Variants in SEMA3A observed in about 807,000 individuals in gnomAD.
SEMA3A encodes the protein semaphorin 3A.
A neutral mutation model predicts 97.9 loss-of-function variants in SEMA3A; 29 were observed. The ratio of observed to expected loss-of-function variants is 0.30; its 90% CI spans 0.22 to 0.40. SEMA3A has a LOEUF of 0.40. Ranked by LOEUF, SEMA3A falls within the 10% of genes least tolerant of loss-of-function variation. SEMA3A has a pLI of 1.00. For missense variants in SEMA3A, 763 were observed against 951.3 expected, an observed-to-expected ratio of 0.80 and a Z score of 2.60; for synonymous variants, 321 against 323.7, an observed-to-expected ratio of 0.99 and a Z score of 0.09.
intron 6 of SEMA3A, among the ~76,000 whole-genome samples, chr7:84,029,746 T>A (rs574033557): frequency 1.3e-5 from 2 of 152,026 alleles, no homozygotes; most frequent in South Asian, 2.1e-4. Flanking sequence ...CAGAAAATAA[T>A]CTCTAGGAAC....
chr7:84,470,824 T>C (rs1189247737), intron 1 of SEMA3A, among the ~76,000 whole-genome samples: 1 of 152,066 alleles, frequency 6.6e-6, no homozygotes, highest in Non-Finnish European at 1.5e-5. Flanking sequence ...TTAGGCTGCC[T>C]AAGATTTTGA....
At chr7:84,080,940 G>A (rs1337059963) in intron 4 of SEMA3A, among the ~76,000 whole-genome samples, 3 of 151,516 alleles carry the variant, frequency 2.0e-5, no homozygotes, top group Non-Finnish European at 2.9e-5. Context: ...TTTACATGTG[G>A]GGACAATATT....
intron 1 of SEMA3A, among the ~76,000 whole-genome samples, chr7:84,442,990 G>A (rs1805309410): frequency 6.6e-6 from 1 of 152,024 alleles, no homozygotes; most frequent in African/African-American, 2.4e-5. Flanking sequence ...TGAAAAAATT[G>A]AAGGGAAAAA....
chr7:84,276,331 C>T (rs1345490248), intron 3 of SEMA3A, among the ~76,000 whole-genome samples: 1 of 151,976 alleles, frequency 6.6e-6, no homozygotes, highest in Non-Finnish European at 1.5e-5. Context: ...GTCTCTTTTT[C>T]TTGAAGTCAC....
intron 1 of SEMA3A, among the ~76,000 whole-genome samples, chr7:84,191,052 T>A (rs1413594131): frequency 6.6e-6 from 1 of 150,920 alleles, no homozygotes; most frequent in East Asian, 1.9e-4. Context: ...AGAAAATCAT[T>A]CATATTAATT....
intron 1 of SEMA3A, among the ~76,000 whole-genome samples, chr7:84,149,719 C>T (rs376108416): frequency 6.6e-6 from 1 of 152,314 alleles, no homozygotes; most frequent in African/African-American, 2.4e-5. Flanking sequence ...CAAAACACTA[C>T]TAACAATGTT....
rs142917460 is a variant in SEMA3A, at chr7:84,005,001, G to T, written c.1360+338C>A. ...GCCTACTCAACAGGAAGACAAGGGTGATCCAGTTCCACTTAATGAACATTA... is the reference window on the plus strand; with the variant it reads ...GCCTACTCAACAGGAAGACAAGGGTTATCCAGTTCCACTTAATGAACATTA... On this transcript the variant is annotated intron_variant, in intron 11 of 16. Coordinates refer to ENST00000265362, the MANE Select transcript of SEMA3A (RefSeq NM_006080.3). Among the ~76,000 whole-genome samples the T allele has an allele frequency of 1.9e-4, 29 of 152,248 alleles. No individual in the cohort carries two copies. In the East Asian group the frequency reaches 5.4e-3, roughly 28 times the overall value.
At chr7:84,336,053 A>G (rs913827204) in intron 2 of SEMA3A, among the ~76,000 whole-genome samples, 3 of 152,298 alleles carry the variant, frequency 2.0e-5, no homozygotes, top group African/African-American at 7.2e-5. Context: ...TCTAGAGTGT[A>G]GCTAAAATCC....
intron 9 of SEMA3A, among the ~76,000 whole-genome samples, chr7:84,008,860 G>T (rs987100375): frequency 7.9e-5 from 12 of 152,140 alleles, no homozygotes; most frequent in African/African-American, 2.7e-4. Flanking sequence ...TTTCATAGCA[G>T]AACAAATAGC....
At chr7:84,129,245 CAT>C in intron 2 of SEMA3A, 60 bp from the exon 3 acceptor site, 1 of 1,334,678 alleles carries the variant, frequency 7.5e-7, no homozygotes, top group South Asian at 1.2e-5. Context: ...GATCCAACAC[CAT>C]ATAGTCTTTT....
intron 14 of SEMA3A, 71 bp from the exon 15 acceptor site, chr7:83,977,267 G>T: frequency 1.3e-6 from 1 of 790,458 alleles, no homozygotes; most frequent in Non-Finnish European, 2.0e-6. Context: ...TCATAAGAAT[G>T]AAGAGAAATA....
chr7:84,440,519 T>A (rs1158514152), intron 1 of SEMA3A, among the ~76,000 whole-genome samples: 2 of 152,200 alleles, frequency 1.3e-5, no homozygotes, highest in Admixed American at 6.5e-5. Flanking sequence ...AAAGGGCCAA[T>A]GAATCCTCCG....
At position 84,185,280 on chromosome 7, in the gene SEMA3A, T is replaced by C. The variant is rs537603008; in HGVS notation, c.112+9195A>G. Reference sequence around the variant, plus strand: ...AGTGACTTTTTTCTGTGTTGCCGGGTACCATGAACCTACAACGTTGTCTAA... The same window carrying C: ...AGTGACTTTTTTCTGTGTTGCCGGGCACCATGAACCTACAACGTTGTCTAA... On this transcript the variant is annotated intron_variant, in intron 1 of 16. Coordinates refer to ENST00000265362, the MANE Select transcript of SEMA3A (RefSeq NM_006080.3). Among the ~76,000 whole-genome samples, 3 of 152,220 alleles carry C rather than the reference T, an allele frequency of 2.0e-5. No individual in the cohort carries two copies. The South Asian group carries it at 6.2e-4, about 32-fold the overall frequency.
chr7:84,303,157 A>C (rs1173885730), intron 3 of SEMA3A, among the ~76,000 whole-genome samples: 1 of 152,142 alleles, frequency 6.6e-6, no homozygotes, highest in African/African-American at 2.4e-5. Flanking sequence ...AGAGGAGGTT[A>C]GGCATGTATG....
At chr7:84,408,988 T>C (rs1314255883) in intron 1 of SEMA3A, among the ~76,000 whole-genome samples, 1 of 151,672 alleles carries the variant, frequency 6.6e-6, no homozygotes, top group East Asian at 1.9e-4. Flanking sequence ...GGCACATGTA[T>C]ACATATGTAA....
At chr7:83,980,097 C>G (rs138184316) in intron 14 of SEMA3A, among the ~76,000 whole-genome samples, 6 of 151,888 alleles carry the variant, frequency 4.0e-5, no homozygotes, top group African/African-American at 7.3e-5. Context: ...CTCATATTAA[C>G]GAGATACTGT....
At chr7:84,201,152 C>T (rs1195447983) in intron 3 of SEMA3A, among the ~76,000 whole-genome samples, 2 of 152,032 alleles carry the variant, frequency 1.3e-5, no homozygotes, top group Non-Finnish European at 2.9e-5. Flanking sequence ...TAGAGTTCCC[C>T]TTTGTTATCC....
At chr7:84,174,774 T>G (rs1470981183) in intron 1 of SEMA3A, among the ~76,000 whole-genome samples, 1 of 152,188 alleles carries the variant, frequency 6.6e-6, no homozygotes, top group African/African-American at 2.4e-5. Flanking sequence ...TTGTTCATCT[T>G]TATATGTAGT....
intron 3 of SEMA3A, among the ~76,000 whole-genome samples, chr7:84,285,298 A>G (rs1584201539): frequency 6.6e-6 from 1 of 152,248 alleles, no homozygotes; most frequent in East Asian, 1.9e-4. Flanking sequence ...AATATAAAGA[A>G]TTTTTGACTT....
Sources: gnomAD v4.1 joint callset for allele counts (sites outside exome capture counted in the v4.1 genomes callset) on GRCh38, gnomAD v4.1.1 for gene constraint, MANE v1.5 for transcripts, NCBI Gene and HGNC (gene_info 2026-07-23, HGNC 2026-07-21) for gene names.